The following LARP1 variants were observed in gnomAD, a reference collection of about 807,000 sequenced individuals.
The protein encoded by LARP1 is la-related protein 1.
A neutral mutation model predicts 122.7 loss-of-function variants in LARP1; 36 were observed. The observed-to-expected ratio is 0.29, with a 90% CI of 0.22 to 0.39. The LOEUF is 0.39. LARP1 is among the 10% of genes least tolerant of loss of function. The probability of loss-of-function intolerance (pLI) is 1.00; values close to 1 mark genes in which losing one functional copy is unlikely to be tolerated. For synonymous variants in LARP1, 539 were observed against 528.7 expected (o/e 1.02, Z -0.27); for missense variants, 1,040 against 1,403.6 (o/e 0.74, Z 4.14).
chr5:154,805,483 G>A (rs1290561730), intron 14 of LARP1, among the ~76,000 whole-genome samples: 9 of 152,156 alleles, frequency 5.9e-5, no homozygotes, highest in East Asian at 3.9e-4. Context: ...GTGGACCCAC[G>A]CGTGGATCCA....
At position 154,802,439 on chromosome 5, in the gene LARP1, G is replaced by T. The variant is rs1030224452; in HGVS notation, c.2109+40G>T. ...TAGCAGTGAGTGTGGAGCCTGGTGT[G>T]CCTGTATTGTACGGAGAAGAGGAAG... On this transcript the variant is annotated intron_variant, in intron 11 of 18. Transcript: ENST00000518297. This position sits in a 1 kb window ranked among gnomAD's most constrained non-coding sequence, Gnocchi z 5.1. 8 of 1,544,034 alleles carry T rather than the reference G, an allele frequency of 5.2e-6. No homozygotes were observed. In the South Asian group the frequency reaches 9.9e-5, roughly 19 times the overall value.
intron 1 of LARP1, chr5:154,729,596 C>A: frequency 2.4e-6 from 1 of 424,206 alleles, no homozygotes. Context: ...TACCTGGGTT[C>A]AGATGAAGCA....
intron 1 of LARP1, among the ~76,000 whole-genome samples, chr5:154,704,491 A>G (rs1754856135): frequency 6.6e-6 from 1 of 151,974 alleles, no homozygotes; most frequent in South Asian, 2.1e-4. Context: ...TACTAAAAAT[A>G]CAAAAATTAG....
At position 154,776,471 on chromosome 5, in the gene LARP1, GA is replaced by G. The variant is rs1371268666; in HGVS notation, c.437-13851del. Among the ~76,000 whole-genome samples, 5 of 152,158 alleles carry G rather than the reference GA, an allele frequency of 3.3e-5. No homozygotes were observed. In the East Asian group the frequency reaches 9.6e-4, roughly 29 times the overall value. On this transcript the variant is annotated intron_variant, in intron 1 of 18. Coordinates refer to ENST00000518297, the MANE Select transcript of LARP1 (RefSeq NM_033551.3). ...CTGGCTGCTGTTTGTGTGTGTAATT[GA>G]AACTACCTGCTCTTGTAAACCAATT...
chr5:154,802,516 AT>A lies in LARP1; in HGVS notation c.2109+122del. ...GGTCCTTATAATTCAGAGTCTCAGG[AT>A]TTTTATATATGGGAAGGGGATGATG... On this transcript the variant is annotated intron_variant, in intron 11 of 18. Coordinates refer to ENST00000518297, the MANE Select transcript of LARP1 (RefSeq NM_033551.3). This position sits in a 1 kb window ranked among gnomAD's most constrained non-coding sequence, Gnocchi z 5.1. The A allele has an allele frequency of 2.4e-6, 3 of 1,227,474 alleles. No homozygotes were observed. Among genetic ancestry groups the A allele is most frequent in the Non-Finnish European group, 3.3e-6 (3 of 909,614 alleles). The allele number at this position is 1,227,474 out of a possible 1,614,324, so 76.0% of individuals were successfully genotyped here. A position where few individuals can be genotyped will look rare whatever the true frequency, so the allele number is the denominator to read the frequency against.
intron 4 of LARP1, 124 bp downstream of exon 4, chr5:154,792,920 G>T: frequency 1.2e-6 from 1 of 857,710 alleles, no homozygotes. Flanking sequence ...GGAAACTGAT[G>T]GATGTAGGCT....
chr5:154,783,337 G>A (rs1756610100), intron 1 of LARP1, among the ~76,000 whole-genome samples: 1 of 152,134 alleles, frequency 6.6e-6, no homozygotes, highest in African/African-American at 2.4e-5. Context: ...CTTGGTGGTA[G>A]TTTCCCTTGC....
chr5:154,791,135 T>G (rs1246928285), intron 3 of LARP1, among the ~76,000 whole-genome samples: 2 of 101,848 alleles, frequency 2.0e-5, no homozygotes, highest in East Asian at 5.1e-4. Flanking sequence ...TTTTTTGTTG[T>G]TTTTTTTTTT....
At position 154,794,170 on chromosome 5, in the gene LARP1, GAAC is replaced by G; in HGVS notation, c.1145_1147del (p.Asn382del). 1 of 1,614,178 alleles carries G rather than the reference GAAC, an allele frequency of 6.2e-7. No individual in the cohort carries two copies. On this transcript the variant is annotated inframe_deletion, in exon 7 of 19. Transcript: ENST00000518297. ...AGGGGCCTCGTACGCCCAAGTACAT[GAAC>G]AACATCACCTACTACTTTGACAATG...
At chr5:154,796,217 G>T (rs1242613427) in intron 8 of LARP1, among the ~76,000 whole-genome samples, 1 of 132,062 alleles carries the variant, frequency 7.6e-6, no homozygotes, top group Non-Finnish European at 1.5e-5. Context: ...GTGAGAATCA[G>T]AATCCAAATA....
At chr5:154,747,858 C>T (rs961028300) in intron 1 of LARP1, among the ~76,000 whole-genome samples, 22 of 151,520 alleles carry the variant, frequency 1.5e-4, no homozygotes, top group African/African-American at 5.3e-4. Flanking sequence ...AGTGAGACTC[C>T]ATCTCAAAAA....
At chr5:154,737,098 T>C (rs557126405) in intron 1 of LARP1, among the ~76,000 whole-genome samples, 2 of 151,440 alleles carry the variant, frequency 1.3e-5, no homozygotes, top group African/African-American at 4.8e-5. Flanking sequence ...TGGAGTGCAA[T>C]GGCACAATCT....
At chr5:154,756,221 T>C (rs761929629) in intron 1 of LARP1, 28 bp downstream of exon 1, 21 of 1,209,248 alleles carry the variant, frequency 1.7e-5, no homozygotes, top group Non-Finnish European at 2.2e-5. Context: ...CCCTCCTGGG[T>C]CCGGGGGCCT....
intron 18 of LARP1, among the ~76,000 whole-genome samples, chr5:154,812,338 C>A (rs551486913): frequency 6.6e-6 from 1 of 152,308 alleles, no homozygotes; most frequent in Non-Finnish European, 1.5e-5. Context: ...CTAATAAAGA[C>A]ATACCTGAGA....
chr5:154,733,480 C>CCA (rs1249818712), intron 1 of LARP1, among the ~76,000 whole-genome samples: 1 of 152,206 alleles, frequency 6.6e-6, no homozygotes, highest in Non-Finnish European at 1.5e-5. Flanking sequence ...CAGCTATGAG[C>CCA]CACTATGCCT....
At chr5:154,756,228 G>C in intron 1 of LARP1, 35 bp downstream of exon 1, 5 of 1,210,612 alleles carry the variant, frequency 4.1e-6, no homozygotes, top group Non-Finnish European at 5.3e-6. Context: ...GGGTCCGGGG[G>C]CCTCTTCCGG....
At chr5:154,805,688 A>G in intron 14 of LARP1, 193 bp from the exon 15 acceptor site, 2 of 600,704 alleles carry the variant, frequency 3.3e-6, no homozygotes, top group Admixed American at 5.9e-5. Context: ...TATCCTCTGT[A>G]AAACTCTCTG....
chr5:154,805,849 C>T, intron 14 of LARP1, 32 bp from the exon 15 acceptor site: 1 of 1,605,508 alleles, frequency 6.2e-7, no homozygotes. Context: ...CTGTGGGGAA[C>T]CTGGTGACAG....
chr5:154,767,122 A>G (rs1755016505), intron 1 of LARP1, among the ~76,000 whole-genome samples: 1 of 152,090 alleles, frequency 6.6e-6, no homozygotes, highest in South Asian at 2.1e-4. Flanking sequence ...TGGGACAGTC[A>G]GTCACAGTTA....
Sources: allele counts gnomAD v4.1 joint callset (sites outside exome capture counted in the v4.1 genomes callset), GRCh38; gene constraint gnomAD v4.1.1; non-coding constraint Gnocchi (gnomAD v3.1); transcripts MANE v1.5; gene names NCBI Gene and HGNC (gene_info 2026-07-23, HGNC 2026-07-21).